The following GPR15LG variants were observed in gnomAD, a reference collection of about 807,000 sequenced individuals.
The protein encoded by GPR15LG is G protein-coupled receptor 15 ligand.
At chr10:84,185,152 G>A in the GPR15LG span, 1 of 955,104 alleles carries the variant, frequency 1.0e-6, no homozygotes, top group Non-Finnish European at 1.3e-6. Context: ...TCCATCTTCA[G>A]GTCCATTCAG....
At chr10:84,174,442 T>C in the GPR15LG span, among the ~76,000 whole-genome samples, 1 of 152,018 alleles carries the variant, frequency 6.6e-6, no homozygotes, top group Non-Finnish European at 1.5e-5. Flanking sequence ...GACACCATCT[T>C]TTTACCTCTA....
chr10:84,177,333 G>T, the GPR15LG span, among the ~76,000 whole-genome samples: 1 of 152,188 alleles, frequency 6.6e-6, no homozygotes, highest in Non-Finnish European at 1.5e-5. Flanking sequence ...GAAGGGTCAG[G>T]CTGCTGGAGC....
At chr10:84,184,545 T>A in the GPR15LG span, 1 of 936,508 alleles carries the variant, frequency 1.1e-6, no homozygotes, top group South Asian at 1.4e-5. Context: ...AAGATCTAAT[T>A]CTTGCTTTGA....
the GPR15LG span, among the ~76,000 whole-genome samples, chr10:84,183,468 G>A: frequency 8.6e-5 from 13 of 151,912 alleles, no homozygotes; most frequent in South Asian, 2.1e-4. Flanking sequence ...TTTGTTTTTC[G>A]TACAAACGTG....
At chr10:84,176,387 TA>T in the GPR15LG span, 1 of 894,436 alleles carries the variant, frequency 1.1e-6, no homozygotes, top group Non-Finnish European at 1.9e-6. Flanking sequence ...TTTCTCTGGA[TA>T]AATATTCCTG....
At chr10:84,178,160 G>A in the GPR15LG span, among the ~76,000 whole-genome samples, 9 of 150,084 alleles carry the variant, frequency 6.0e-5, no homozygotes, top group African/African-American at 2.2e-4. Context: ...CATATACACA[G>A]CACAAACACA....
chr10:84,174,485 T>G, the GPR15LG span, among the ~76,000 whole-genome samples: 5 of 140,632 alleles, frequency 3.6e-5, no homozygotes, highest in Admixed American at 7.4e-5. Context: ...TTGCCCTTTT[T>G]TCTTTTTTCT....
At chr10:84,174,640 C>T in the GPR15LG span, among the ~76,000 whole-genome samples, 8 of 151,980 alleles carry the variant, frequency 5.3e-5, no homozygotes, top group Non-Finnish European at 1.0e-4. Flanking sequence ...TTACAGGTGC[C>T]CACCACCAAG....
At chr10:84,179,049 T>A in the GPR15LG span, among the ~76,000 whole-genome samples, 2 of 152,168 alleles carry the variant, frequency 1.3e-5, no homozygotes, top group Non-Finnish European at 2.9e-5. Context: ...CAGAAAGTGT[T>A]CTGTAGCCGG....
At chr10:84,177,085 C>T in the GPR15LG span, among the ~76,000 whole-genome samples, 1 of 152,164 alleles carries the variant, frequency 6.6e-6, no homozygotes, top group Non-Finnish European at 1.5e-5. Context: ...CCTGAGGGTC[C>T]AGAGAGCCAT....
the GPR15LG span, among the ~76,000 whole-genome samples, chr10:84,175,751 C>T: frequency 6.6e-6 from 1 of 152,228 alleles, no homozygotes; most frequent in Admixed American, 6.5e-5. Flanking sequence ...AGCCATCCTC[C>T]CACCTTGGCC....
chr10:84,176,949 G>C, the GPR15LG span, among the ~76,000 whole-genome samples: 1 of 151,280 alleles, frequency 6.6e-6, no homozygotes, highest in South Asian at 2.1e-4. Context: ...GGGCAAGAGT[G>C]GGGTATGGAA....
the GPR15LG span, among the ~76,000 whole-genome samples, chr10:84,179,662 A>G: frequency 6.6e-6 from 1 of 152,198 alleles, no homozygotes; most frequent in African/African-American, 2.4e-5. Flanking sequence ...AACACCAGCT[A>G]TGACACACAC....
chr10:84,185,193 G>A, the GPR15LG span: 1 of 527,598 alleles, frequency 1.9e-6, no homozygotes, highest in South Asian at 5.9e-5. Context: ...AGCATCCAGT[G>A]GTCCCCAAGG....
chr10:84,176,452 G>A, the GPR15LG span: 1 of 1,541,826 alleles, frequency 6.5e-7, no homozygotes, highest in Non-Finnish European at 9.0e-7. Flanking sequence ...ACTAAAGACA[G>A]TCTCTCTTCC....
At chr10:84,177,581 G>A in the GPR15LG span, among the ~76,000 whole-genome samples, 18 of 152,194 alleles carry the variant, frequency 1.2e-4, 1 homozygote, top group African/African-American at 3.6e-4. Flanking sequence ...TGCAGGAGAG[G>A]GATAGAGGGA....
chr10:84,177,521 G>A, the GPR15LG span, among the ~76,000 whole-genome samples: 5 of 152,212 alleles, frequency 3.3e-5, no homozygotes, highest in African/African-American at 1.2e-4. Flanking sequence ...CATGACCAGC[G>A]CCGGAGCCTC....
chr10:84,173,849 A>T, the GPR15LG span: 1 of 1,611,302 alleles, frequency 6.2e-7, no homozygotes. Flanking sequence ...CTGCCTTCTC[A>T]CCATGAGGCT....
chr10:84,180,815 G>A, the GPR15LG span, among the ~76,000 whole-genome samples: 945 of 152,344 alleles, frequency 6.2e-3, 12 homozygotes, highest in African/African-American at 0.022. Context: ...CTGAGTGAAC[G>A]AGACTCCGTC....
Sources: gnomAD v4.1 joint callset for allele counts (sites outside exome capture counted in the v4.1 genomes callset) on GRCh38, gnomAD v4.1.1 for gene constraint, MANE v1.5 for transcripts, NCBI Gene and HGNC (gene_info 2026-07-23, HGNC 2026-07-21) for gene names.